CORIN: variants seen among roughly 807,000 people sequenced by gnomAD.
The protein encoded by CORIN is atrial natriuretic peptide-converting enzyme.
CORIN carries 117 observed loss-of-function variants against 125.3 expected under a neutral mutation model. The ratio of observed to expected loss-of-function variants is 0.93; its 90% CI spans 0.80 to 1.09. CORIN has a LOEUF of 1.09. CORIN is among the 50% of genes least tolerant of loss of function. The pLI, the probability that CORIN is intolerant of heterozygous loss-of-function variation, is 0.00. For missense variants in CORIN, 1,253 were observed against 1,306.7 expected (o/e 0.96, Z 0.63); for synonymous variants, 450 against 466.4 (o/e 0.96, Z 0.45).
chr4:47,700,227 G>A (rs1726222505), intron 5 of CORIN, among the ~76,000 whole-genome samples: 1 of 152,178 alleles, frequency 6.6e-6, no homozygotes, highest in Non-Finnish European at 1.5e-5. Context: ...GCTTTTCATT[G>A]TACTTAGACT....
intron 4 of CORIN, among the ~76,000 whole-genome samples, chr4:47,757,797 C>T (rs1405809258): frequency 6.7e-6 from 1 of 148,276 alleles, no homozygotes; most frequent in Non-Finnish European, 1.5e-5. Context: ...TAAAAATTTA[C>T]AGCTAACATT....
At chr4:47,643,661 T>C (rs1723335663) in intron 14 of CORIN, among the ~76,000 whole-genome samples, 1 of 152,206 alleles carries the variant, frequency 6.6e-6, no homozygotes, top group Non-Finnish European at 1.5e-5. Context: ...AAGTTTTTTT[T>C]TCCATCTCTA....
At chr4:47,658,406 C>A (rs1724088373) in intron 12 of CORIN, among the ~76,000 whole-genome samples, 1 of 152,244 alleles carries the variant, frequency 6.6e-6, no homozygotes, top group South Asian at 2.1e-4. Flanking sequence ...CTTTTCCAGG[C>A]AAAGGGTGCA....
chr4:47,635,172 C>A (rs562698739), intron 16 of CORIN, among the ~76,000 whole-genome samples: 2 of 152,222 alleles, frequency 1.3e-5, no homozygotes, highest in Admixed American at 1.3e-4. Flanking sequence ...AGTGACAGAG[C>A]CAGATAGACA....
At chr4:47,645,275 G>T (rs529148603) in intron 13 of CORIN, 81 bp from the exon 14 acceptor site, 4 of 883,706 alleles carry the variant, frequency 4.5e-6, no homozygotes, top group Admixed American at 4.0e-5. Flanking sequence ...GAAAAATTAC[G>T]CTATAAAGGC....
At chr4:47,779,991 A>G (rs1027446790) in intron 3 of CORIN, among the ~76,000 whole-genome samples, 5 of 152,200 alleles carry the variant, frequency 3.3e-5, no homozygotes, top group Non-Finnish European at 7.4e-5. Context: ...TATGTAGTTC[A>G]CTGAGGGGGA....
chr4:47,607,401 C>A (rs6833356), intron 19 of CORIN, among the ~76,000 whole-genome samples: 19,535 of 151,146 alleles, frequency 0.13, 1,545 homozygotes, highest in African/African-American at 0.22. Flanking sequence ...GAGTGAGACT[C>A]CATCTCAAAA....
At chr4:47,716,449 T>C (rs1727092966) in intron 5 of CORIN, among the ~76,000 whole-genome samples, 1 of 152,222 alleles carries the variant, frequency 6.6e-6, no homozygotes, top group Non-Finnish European at 1.5e-5. Flanking sequence ...GGCTCTCTGA[T>C]GGTGTTAGCA....
chr4:47,768,182 A>G (rs1224881417), intron 3 of CORIN, among the ~76,000 whole-genome samples: 1 of 151,898 alleles, frequency 6.6e-6, no homozygotes, highest in African/African-American at 2.4e-5. Flanking sequence ...TATCCACCCA[A>G]ATCTTATAAA....
chr4:47,658,565 C>T (rs1437069966), intron 12 of CORIN, among the ~76,000 whole-genome samples: 2 of 152,222 alleles, frequency 1.3e-5, no homozygotes, highest in East Asian at 3.9e-4. Flanking sequence ...TTCTCTGAGC[C>T]ATGGCTAAAG....
chr4:47,699,766 G>A (rs1052514125), intron 5 of CORIN, among the ~76,000 whole-genome samples: 5 of 152,158 alleles, frequency 3.3e-5, no homozygotes, highest in African/African-American at 1.2e-4. Flanking sequence ...AAATCCCTTT[G>A]TGTTACAGTG....
chr4:47,606,609 ATCCT>A (rs897630992), intron 19 of CORIN, among the ~76,000 whole-genome samples: 3 of 151,576 alleles, frequency 2.0e-5, no homozygotes, highest in Non-Finnish European at 2.9e-5. Context: ...TGCTTTTCTT[ATCCT>A]TCCTTCCTTC....
intron 12 of CORIN, among the ~76,000 whole-genome samples, chr4:47,660,460 T>A (rs531440198): frequency 5.9e-5 from 9 of 152,046 alleles, no homozygotes; most frequent in Non-Finnish European, 8.8e-5. Flanking sequence ...ATATATAAAA[T>A]GCTCAAACAA....
chr4:47,831,366 G>A (rs1224864100), intron 1 of CORIN: 1 of 152,340 alleles, frequency 6.6e-6, no homozygotes, highest in Non-Finnish European at 1.5e-5. Flanking sequence ...CAATGCAGAA[G>A]GCTCAAGAAA....
chr4:47,809,425 G>GAT (rs1731958868), intron 1 of CORIN, among the ~76,000 whole-genome samples: 1 of 106,206 alleles, frequency 9.4e-6, no homozygotes, highest in Non-Finnish European at 1.8e-5. Flanking sequence ...TTTTTTTTGA[G>GAT]ATAGAGTCTC....
intron 16 of CORIN, among the ~76,000 whole-genome samples, chr4:47,636,572 G>A (rs1723035467): frequency 6.6e-6 from 1 of 152,074 alleles, no homozygotes; most frequent in African/African-American, 2.4e-5. Flanking sequence ...GAATTATGGG[G>A]GTGGGTCTTC....
chr4:47,692,670 A>C (rs534376294), intron 6 of CORIN, among the ~76,000 whole-genome samples: 67 of 152,316 alleles, frequency 4.4e-4, no homozygotes, highest in African/African-American at 1.6e-3. Flanking sequence ...TTATACTCAT[A>C]AACAAAAATG....
chr4:47,705,883 ATG>A (rs1405694460), intron 5 of CORIN, among the ~76,000 whole-genome samples: 1 of 152,198 alleles, frequency 6.6e-6, no homozygotes, highest in African/African-American at 2.4e-5. Context: ...ATCCTATTTC[ATG>A]TGTTTTCAGT....
At chr4:47,634,862 T>C (rs1348641257) in intron 16 of CORIN, among the ~76,000 whole-genome samples, 1 of 151,984 alleles carries the variant, frequency 6.6e-6, no homozygotes, top group African/African-American at 2.4e-5. Context: ...GTGAAGTAAA[T>C]ATCGAGAAGG....
Sources: allele counts gnomAD v4.1 joint callset (sites outside exome capture counted in the v4.1 genomes callset), GRCh38; gene constraint gnomAD v4.1.1; transcripts MANE v1.5; gene names NCBI Gene and HGNC (gene_info 2026-07-23, HGNC 2026-07-21).